The following PRLR variants were observed in gnomAD, a reference collection of about 807,000 sequenced individuals.
PRLR encodes the protein prolactin receptor, also known as hPRL receptor.
PRLR carries 13 observed loss-of-function variants against 40.2 expected under a neutral mutation model. The ratio of observed to expected loss-of-function variants is 0.32; its 90% CI spans 0.21 to 0.51. The LOEUF is 0.51. Among genes scored for constraint, PRLR ranks in the 20% least tolerant of loss-of-function variants. The pLI is 0.97. For synonymous variants in PRLR, 269 were observed against 278.7 expected, an observed-to-expected ratio of 0.97 and a Z score of 0.35; for missense variants, 656 against 747.3, an observed-to-expected ratio of 0.88 and a Z score of 1.42.
At chr5:35,126,903 A>T (rs1016130561) in intron 1 of PRLR, among the ~76,000 whole-genome samples, 2 of 152,178 alleles carry the variant, frequency 1.3e-5, no homozygotes, top group Admixed American at 6.5e-5. Context: ...TGAGAAAGAG[A>T]TGGGCTAAAT....
chr5:35,189,579 T>TA (rs67985035), intron 1 of PRLR, among the ~76,000 whole-genome samples: 2 of 145,572 alleles, frequency 1.4e-5, no homozygotes, highest in Admixed American at 6.8e-5. Context: ...AAACTCCGTT[T>TA]AAAAAAAAAA....
chr5:35,159,676 A>G (rs1022682723), intron 1 of PRLR, among the ~76,000 whole-genome samples: 4 of 152,196 alleles, frequency 2.6e-5, no homozygotes, highest in African/African-American at 9.6e-5. Flanking sequence ...AATTCCTTTC[A>G]TTGTAACAGT....
chr5:35,084,509 T>A lies in PRLR; in HGVS notation c.334A>T (p.Ser112Cys). 6.3e-7 allele frequency: 1 copy of A among 1,581,386 alleles called. No individual in the cohort carries two copies. Among genetic ancestry groups the A allele is most frequent in the Non-Finnish European group, 8.5e-7 (1 of 1,170,042 alleles). The change falls in exon 5 of 10, where the codon AGT becomes TGT. Residue 112 changes from serine to cysteine, a missense_variant. Physicochemically the swap from Ser to Cys is moderately radical, Grantham distance 112. This residue lies in a region of PRLR where 180 missense variants were observed against 236.8 expected (regional missense o/e 0.76). Coordinates refer to ENST00000618457, the MANE Select transcript of PRLR (RefSeq NM_000949.7). The stretch of plus-strand genomic sequence containing the variant: ...TCCACATAAAGTTCATCCGAGAAAC[T>A]GCTTCCCATCTGGTTAGTGGCATTG... ...MVNATNQMGS[S>C]FSDELYVDVT...
At chr5:35,128,733 T>C (rs887464619) in intron 1 of PRLR, among the ~76,000 whole-genome samples, 2 of 152,206 alleles carry the variant, frequency 1.3e-5, no homozygotes, top group African/African-American at 4.8e-5. Context: ...TTTGAATAAA[T>C]AGCAATGAAC....
At chr5:35,134,538 T>C (rs1773791009) in intron 1 of PRLR, among the ~76,000 whole-genome samples, 1 of 152,204 alleles carries the variant, frequency 6.6e-6, no homozygotes, top group South Asian at 2.1e-4. Flanking sequence ...GATAAAAACA[T>C]TGCTTGACTA....
At chr5:35,121,776 T>A (rs1050125804) in intron 1 of PRLR, among the ~76,000 whole-genome samples, 2 of 152,182 alleles carry the variant, frequency 1.3e-5, no homozygotes, top group African/African-American at 2.4e-5. Context: ...AGAAGTTGCA[T>A]ATCCAAAACT....
chr5:35,072,982 G>A (rs557321898), intron 5 of PRLR, among the ~76,000 whole-genome samples: 50 of 152,186 alleles, frequency 3.3e-4, no homozygotes, highest in Non-Finnish European at 6.3e-4. Context: ...TTCATTCTCC[G>A]CATGTTCTCG....
At chr5:35,092,925 A>G (rs1258224886) in intron 2 of PRLR, among the ~76,000 whole-genome samples, 1 of 151,980 alleles carries the variant, frequency 6.6e-6, no homozygotes, top group Non-Finnish European at 1.5e-5. Flanking sequence ...CTTACCCTTA[A>G]GCTCCTCCCC....
intron 2 of PRLR, among the ~76,000 whole-genome samples, chr5:35,099,366 C>A (rs759816559): frequency 6.6e-6 from 1 of 152,186 alleles, no homozygotes; most frequent in East Asian, 1.9e-4. Context: ...TAATGCTTTA[C>A]GCCGTGTTTG....
chr5:35,205,972 A>T (rs973186367), intron 1 of PRLR, among the ~76,000 whole-genome samples: 3 of 152,212 alleles, frequency 2.0e-5, no homozygotes, highest in African/African-American at 7.2e-5. Flanking sequence ...CATGAAAAAT[A>T]AGTAGCTTAG....
In PRLR at chr5:35,057,747, T is replaced by A. The variant is rs567675071; in HGVS notation, c.*7342A>T. ...TCAGATAACTATAGTCTTCTATAAA[T>A]CTTTAAGTCTAAAAAAATAGACATT... On this transcript the variant is annotated 3_prime_UTR_variant, in exon 10 of 10. Transcript: ENST00000618457. The A allele has an allele frequency of 1.3e-5, 2 of 152,234 alleles. No individual in the cohort carries two copies. Among genetic ancestry groups the A allele is most frequent in the African/African-American group, 4.8e-5 (2 of 41,548 alleles). 9.4% of individuals were successfully genotyped at this position (152,234 alleles called of 1,614,324 possible).
chr5:35,156,215 T>A (rs759583630), intron 1 of PRLR, among the ~76,000 whole-genome samples: 8 of 151,710 alleles, frequency 5.3e-5, no homozygotes, highest in Non-Finnish European at 1.0e-4. Context: ...TCCAATCCAA[T>A]GATGAATCCT....
rs192521410 is a variant in PRLR at position 35,065,335 on chromosome 5, C to T, written c.1623G>A (p.Glu541=). ...SGKPKKPGTP[E]NNKEYAKVSG... ...ACACCTTGGCATACTCCTTATTGTT[C>T]TCAGGAGTCCCGGGCTTCTTGGGCT... The change falls in exon 10 of 10, where the codon GAG becomes GAA. Residue 541 remains glutamate (E), a synonymous_variant. Transcript: ENST00000618457. 1.9e-6 allele frequency: 3 copies of T among 1,614,022 alleles called. No homozygotes were observed. Among genetic ancestry groups the T allele is most frequent in the East Asian group, 2.2e-5 (1 of 44,888 alleles).
chr5:35,125,827 G>A lies in PRLR; in HGVS notation c.-105-7705C>T, dbSNP rs73075093. Among the ~76,000 whole-genome samples the A allele has an allele frequency of 5.6e-4, 85 of 152,324 alleles. 3 individuals are homozygous for A. The East Asian group carries it at 0.015, about 27-fold the overall frequency. On this transcript the variant is annotated intron_variant, in intron 1 of 9. Transcript: ENST00000618457. ...TGCATAATCAGGAAGACTGTTGAGAGGGGAATGTTAGCAGGCGATGGGTTT... is the reference window on the plus strand; with the variant it reads ...TGCATAATCAGGAAGACTGTTGAGAAGGGAATGTTAGCAGGCGATGGGTTT...
intron 3 of PRLR, among the ~76,000 whole-genome samples, chr5:35,089,343 G>C (rs1206310695): frequency 6.6e-6 from 1 of 152,136 alleles, no homozygotes; most frequent in Non-Finnish European, 1.5e-5. Flanking sequence ...AGGACAAAAG[G>C]CAGAGAGCAC....
intron 2 of PRLR, among the ~76,000 whole-genome samples, chr5:35,105,263 T>C (rs1043687430): frequency 6.6e-6 from 1 of 152,134 alleles, no homozygotes; most frequent in African/African-American, 2.4e-5. Context: ...ACCACAAAGA[T>C]GGGGAGAAAC....
downstream of PRLR, among the ~76,000 whole-genome samples, chr5:35,053,501 A>G (rs1768577700): frequency 6.6e-6 from 1 of 152,180 alleles, no homozygotes; most frequent in African/African-American, 2.4e-5. Flanking sequence ...AAAAATGCCA[A>G]AATTAGCTGG....
At chr5:35,081,367 G>C (rs976643242) in intron 5 of PRLR, 4 of 220,442 alleles carry the variant, frequency 1.8e-5, no homozygotes, top group Middle Eastern at 1.6e-3. Context: ...GGTCATCTCT[G>C]AGCTGAATGG....
chr5:35,201,461 T>C (rs1775881534), intron 1 of PRLR, among the ~76,000 whole-genome samples: 1 of 152,218 alleles, frequency 6.6e-6, no homozygotes, highest in Non-Finnish European at 1.5e-5. Flanking sequence ...TGAATATCAA[T>C]GCATCTAAAG....
Sources: allele counts gnomAD v4.1 joint callset (sites outside exome capture counted in the v4.1 genomes callset), GRCh38; gene constraint gnomAD v4.1.1; regional missense constraint gnomAD v4.1.1; transcripts MANE v1.5; gene names NCBI Gene and HGNC (gene_info 2026-07-23, HGNC 2026-07-21).